Variants in FER1L6 observed in about 807,000 individuals in gnomAD.
FER1L6 encodes the protein fer-1 like family member 6, also known as fer-1-like protein 6.
A neutral mutation model predicts 219.2 loss-of-function variants in FER1L6; 177 were observed. That is an observed-to-expected ratio of 0.81 (90% CI 0.71 to 0.91). FER1L6 has a LOEUF of 0.91. Ranked by LOEUF, FER1L6 falls within the 40% of genes least tolerant of loss-of-function variation. The pLI is 0.00. For synonymous variants in FER1L6, 768 were observed against 824.3 expected (o/e 0.93, Z 1.17); for missense variants, 2,153 against 2,259.9 (o/e 0.95, Z 0.96).
chr8:123,871,100 A>C (rs1465743581), intron 1 of FER1L6, among the ~76,000 whole-genome samples: 1 of 152,240 alleles, frequency 6.6e-6, no homozygotes, highest in Non-Finnish European at 1.5e-5. Flanking sequence ...ATAGACAAGC[A>C]AAAGGAGAAG....
At chr8:124,107,783 A>G (rs1350175600) in intron 39 of FER1L6, among the ~76,000 whole-genome samples, 4 of 152,154 alleles carry the variant, frequency 2.6e-5, no homozygotes, top group Non-Finnish European at 5.9e-5. Context: ...GGTCCATTTG[A>G]AGATCCCTCT....
At chr8:123,926,865 A>G (rs1813581789) in intron 1 of FER1L6, among the ~76,000 whole-genome samples, 1 of 152,072 alleles carries the variant, frequency 6.6e-6, no homozygotes, top group Non-Finnish European at 1.5e-5. Flanking sequence ...ATTATCTTAG[A>G]CTCTAATGGA....
chr8:124,066,424 C>G lies in FER1L6; in HGVS notation c.3556-4C>G. On this transcript the variant is annotated splice_region_variant and splice_polypyrimidine_tract_variant and intron_variant, in intron 26 of 40. Transcript: ENST00000522917. The stretch of plus-strand genomic sequence containing the variant: ...TAATAACCCATTCCCTCATCCCTTG[C>G]CAGGATCCCAGGAAGCCTTCCCGGA... 10 of 1,613,246 alleles carry G rather than the reference C, an allele frequency of 6.2e-6. No homozygotes were observed. Among genetic ancestry groups the G allele is most frequent in the African/African-American group, 1.3e-5 (1 of 74,996 alleles).
intron 1 of FER1L6, among the ~76,000 whole-genome samples, chr8:123,893,261 A>T (rs1812682959): frequency 6.6e-6 from 1 of 152,186 alleles, no homozygotes; most frequent in African/African-American, 2.4e-5. Flanking sequence ...AACTTTGGAG[A>T]TTATGCTACC....
intron 33 of FER1L6, among the ~76,000 whole-genome samples, 168 bp from the exon 34 acceptor site, chr8:124,091,235 TTTTTCTGTTAAGCTACTCAG>T (rs1822014862): frequency 2.0e-5 from 3 of 152,248 alleles, no homozygotes. Flanking sequence ...CTTCAAAGGA[TTTTTCTGTTAAGCTACTCAG>T]AAGTCTTGCC....
At chr8:124,017,901 A>G (rs1177990438) in intron 16 of FER1L6, among the ~76,000 whole-genome samples, 183 bp downstream of exon 16, 2 of 152,218 alleles carry the variant, frequency 1.3e-5, no homozygotes, top group East Asian at 3.8e-4. Context: ...GAAGGTTTAT[A>G]AGGATGAACT....
chr8:124,042,795 C>T (rs1215009395), intron 20 of FER1L6, among the ~76,000 whole-genome samples: 4 of 152,152 alleles, frequency 2.6e-5, no homozygotes, highest in African/African-American at 9.7e-5. Flanking sequence ...TCCTGAAAAA[C>T]CAGTGCTTTA....
At chr8:124,013,617 A>G (rs1818045088) in intron 15 of FER1L6, 86 bp downstream of exon 15, 3 of 761,122 alleles carry the variant, frequency 3.9e-6, no homozygotes, top group South Asian at 4.2e-5. Context: ...TCGATTTCAC[A>G]TGCATTCAAA....
In FER1L6 at chr8:124,072,679, G is replaced by T. The variant is rs375223614; in HGVS notation, c.4092+1048G>T. Among the ~76,000 whole-genome samples the T allele has an allele frequency of 2.0e-5, 3 of 152,166 alleles. No homozygotes were observed. The East Asian group carries it at 5.8e-4, about 29-fold the overall frequency. On this transcript the variant is annotated intron_variant, in intron 31 of 40. Transcript: ENST00000522917. ...TGCATCTTCCCCACAACCACCATGT[G>T]CCAGGGATGTTGTGATGAAAAGAAC...
intron 15 of FER1L6, among the ~76,000 whole-genome samples, chr8:124,016,996 C>CT (rs1360378760): frequency 6.6e-6 from 1 of 152,090 alleles, no homozygotes; most frequent in East Asian, 1.9e-4. Context: ...GACTATCTCC[C>CT]AACATCTTCA....
At chr8:124,071,723 G>T in intron 31 of FER1L6, 92 bp downstream of exon 31, 1 of 1,457,732 alleles carries the variant, frequency 6.9e-7, no homozygotes, top group South Asian at 1.4e-5. Flanking sequence ...TTAAACAACA[G>T]AAATTTACTT....
At chr8:123,910,410 C>T (rs1177947498) in intron 1 of FER1L6, among the ~76,000 whole-genome samples, 1 of 152,118 alleles carries the variant, frequency 6.6e-6, no homozygotes, top group Non-Finnish European at 1.5e-5. Flanking sequence ...AGGGAGAGGA[C>T]CTAGGACCTT....
chr8:123,902,308 A>G (rs1009202320), intron 1 of FER1L6, among the ~76,000 whole-genome samples: 12 of 152,148 alleles, frequency 7.9e-5, no homozygotes, highest in Non-Finnish European at 1.3e-4. Flanking sequence ...TTTTCTGTAT[A>G]TATCTGTTAA....
chr8:123,924,546 AAT>A (rs5894681), intron 1 of FER1L6, among the ~76,000 whole-genome samples: 5,874 of 148,172 alleles, frequency 0.04, 352 homozygotes, highest in African/African-American at 0.15. Context: ...AAAAAAAAAA[AAT>A]AAATAAATAA....
chr8:123,872,255 T>C (rs1335405496), intron 1 of FER1L6, among the ~76,000 whole-genome samples: 1 of 152,134 alleles, frequency 6.6e-6, no homozygotes, highest in Non-Finnish European at 1.5e-5. Flanking sequence ...ACCTCAACAT[T>C]GGGAATTACA....
intron 1 of FER1L6, among the ~76,000 whole-genome samples, chr8:123,949,458 G>T (rs1814656120): frequency 1.3e-5 from 2 of 152,076 alleles, no homozygotes; most frequent in South Asian, 4.2e-4. Context: ...TCAGTGTATT[G>T]GTGTTCCTGA....
intron 18 of FER1L6, among the ~76,000 whole-genome samples, chr8:124,030,760 C>G (rs1308783885): frequency 6.6e-6 from 1 of 152,136 alleles, no homozygotes; most frequent in South Asian, 2.1e-4. Context: ...CTCTGTCCTG[C>G]CACAGAGTAA....
At chr8:123,902,619 A>T (rs1812879204) in intron 1 of FER1L6, among the ~76,000 whole-genome samples, 1 of 152,176 alleles carries the variant, frequency 6.6e-6, no homozygotes, top group Non-Finnish European at 1.5e-5. Context: ...TGATATAGGA[A>T]TAGCTACCCC....
intron 1 of FER1L6, among the ~76,000 whole-genome samples, chr8:123,948,456 A>G (rs181325837): frequency 6.6e-6 from 1 of 152,330 alleles, no homozygotes; most frequent in East Asian, 1.9e-4. Context: ...ACCTCTTTCT[A>G]ATGTTGCACT....
Sources: gnomAD v4.1 joint callset for allele counts (sites outside exome capture counted in the v4.1 genomes callset) on GRCh38, gnomAD v4.1.1 for gene constraint, MANE v1.5 for transcripts, NCBI Gene and HGNC (gene_info 2026-07-23, HGNC 2026-07-21) for gene names.